The following PLEKHA5 variants were observed in gnomAD, a reference collection of about 807,000 sequenced individuals.
The protein encoded by PLEKHA5 is pleckstrin homology domain containing A5.
Under a neutral mutation model 181.9 loss-of-function variants are expected in PLEKHA5, and 55 were observed. That is an observed-to-expected ratio of 0.30 (90% CI 0.24 to 0.38). The LOEUF is 0.38. Ranked by LOEUF, PLEKHA5 falls within the 10% of genes least tolerant of loss-of-function variation. PLEKHA5 has a pLI of 1.00. For synonymous variants in PLEKHA5, 535 were observed against 529.4 expected, an observed-to-expected ratio of 1.01 and a Z score of -0.15; for missense variants, 1,432 against 1,549.5, an observed-to-expected ratio of 0.92 and a Z score of 1.27.
chr12:19,224,355 G>T (rs980253259), intron 3 of PLEKHA5, among the ~76,000 whole-genome samples: 1 of 152,086 alleles, frequency 6.6e-6, no homozygotes, highest in Non-Finnish European at 1.5e-5. Flanking sequence ...TTGGAAGTCT[G>T]GTTTAATTGA....
At chr12:19,167,387 C>T (rs369967673) in intron 3 of PLEKHA5, among the ~76,000 whole-genome samples, 6 of 141,196 alleles carry the variant, frequency 4.2e-5, no homozygotes, top group Non-Finnish European at 9.1e-5. Flanking sequence ...CAACACTCTG[C>T]AAGTCTTCTG....
intron 5 of PLEKHA5, among the ~76,000 whole-genome samples, chr12:19,256,908 A>G (rs958043756): frequency 1.3e-5 from 2 of 152,200 alleles, no homozygotes; most frequent in Non-Finnish European, 2.9e-5. Flanking sequence ...CATAAAAAAG[A>G]AAACACTACA....
intron 3 of PLEKHA5, among the ~76,000 whole-genome samples, chr12:19,167,982 A>T (rs1295602365): frequency 6.6e-6 from 1 of 152,158 alleles, no homozygotes; most frequent in Non-Finnish European, 1.5e-5. Flanking sequence ...AGCCTGCATT[A>T]CTGTTCTAGT....
chr12:19,225,494 T>C (rs2059569459), intron 3 of PLEKHA5, among the ~76,000 whole-genome samples: 1 of 152,200 alleles, frequency 6.6e-6, no homozygotes, highest in South Asian at 2.1e-4. Context: ...TTCTTGCTTA[T>C]TATTTTCCCT....
chr12:19,292,397 G>A (rs1330215830), intron 15 of PLEKHA5, among the ~76,000 whole-genome samples: 1 of 152,176 alleles, frequency 6.6e-6, no homozygotes. Flanking sequence ...TACAGCGCAA[G>A]ACTCTGTCTT....
At chr12:19,309,097 T>C (rs186201382) in intron 15 of PLEKHA5, among the ~76,000 whole-genome samples, 97 of 152,120 alleles carry the variant, frequency 6.4e-4, no homozygotes, top group African/African-American at 2.0e-3. Flanking sequence ...AAATAGATAA[T>C]TTTTTAAGCC....
At chr12:19,131,314 A>G (rs1161171654) in intron 2 of PLEKHA5, among the ~76,000 whole-genome samples, 3 of 152,204 alleles carry the variant, frequency 2.0e-5, no homozygotes, top group Admixed American at 6.5e-5. Context: ...TGAAGTGACT[A>G]ATGTCTCCAA....
chr12:19,305,921 A>T (rs2152949158), intron 15 of PLEKHA5, among the ~76,000 whole-genome samples: 1 of 151,358 alleles, frequency 6.6e-6, no homozygotes, highest in Non-Finnish European at 1.5e-5. Context: ...TCTACTAAAA[A>T]TACAAAAAAT....
At chr12:19,199,410 G>A (rs1331457304) in intron 3 of PLEKHA5, among the ~76,000 whole-genome samples, 1 of 152,138 alleles carries the variant, frequency 6.6e-6, no homozygotes, top group African/African-American at 2.4e-5. Flanking sequence ...ACTGAGGAGT[G>A]TCACTGGTTT....
intron 11 of PLEKHA5, among the ~76,000 whole-genome samples, chr12:19,276,102 A>C (rs1421266087): frequency 6.6e-6 from 1 of 152,218 alleles, no homozygotes; most frequent in Admixed American, 6.5e-5. Flanking sequence ...AATAACATGC[A>C]TATTATGGCT....
intron 15 of PLEKHA5, among the ~76,000 whole-genome samples, chr12:19,297,754 T>A (rs1565582515): frequency 7.9e-5 from 2 of 25,422 alleles, no homozygotes; most frequent in Admixed American, 4.4e-4. Flanking sequence ...TAAATTATTA[T>A]TTTTTTTTTT....
intron 3 of PLEKHA5, among the ~76,000 whole-genome samples, chr12:19,158,235 C>T (rs2042212397): frequency 1.3e-5 from 2 of 152,082 alleles, no homozygotes; most frequent in African/African-American, 4.8e-5. Flanking sequence ...TGCCTGTGGT[C>T]CCAGCTACTC....
intron 3 of PLEKHA5, chr12:19,201,244 A>C (rs1285282705): frequency 6.6e-6 from 1 of 152,116 alleles, no homozygotes; most frequent in Non-Finnish European, 1.5e-5. Context: ...GAGCACATGA[A>C]AAGATGTTCA....
At chr12:19,284,595 A>G (rs16915323) in intron 12 of PLEKHA5, among the ~76,000 whole-genome samples, 15,720 of 152,220 alleles carry the variant, frequency 0.1, 850 homozygotes, top group African/African-American at 0.15. Flanking sequence ...AATGGAGATC[A>G]TGTTTTACTT....
chr12:19,175,194 C>G (rs1473963008), intron 3 of PLEKHA5, among the ~76,000 whole-genome samples: 1 of 152,130 alleles, frequency 6.6e-6, no homozygotes, highest in African/African-American at 2.4e-5. Flanking sequence ...TACTACTGAT[C>G]GAGTGTAAAC....
chr12:19,225,211 G>A (rs1390657549), intron 3 of PLEKHA5, among the ~76,000 whole-genome samples: 1 of 151,930 alleles, frequency 6.6e-6, no homozygotes, highest in Non-Finnish European at 1.5e-5. Context: ...AATATTTCAC[G>A]GCCACAAAAC....
chr12:19,266,232 C>G (rs116997408), intron 8 of PLEKHA5, among the ~76,000 whole-genome samples: 1 of 151,208 alleles, frequency 6.6e-6, no homozygotes, highest in African/African-American at 2.4e-5. Context: ...CCAGCACTTC[C>G]GGAGACCAAG....
rs373662577 is a variant in PLEKHA5, at chr12:19,273,924, C to G, written c.846-592C>G. Among the ~76,000 whole-genome samples, 12 of 152,342 alleles carry G rather than the reference C, an allele frequency of 7.9e-5. No individual in the cohort carries two copies. In the East Asian group the frequency reaches 2.1e-3, roughly 27 times the overall value. ...GCATAGGCACTTTAAGTGTTCTGTACTTTGCCTGAAGACTCAGCTAGTAAG... is the reference window on the plus strand; with the variant it reads ...GCATAGGCACTTTAAGTGTTCTGTAGTTTGCCTGAAGACTCAGCTAGTAAG... On this transcript the variant is annotated intron_variant, in intron 10 of 31. Coordinates refer to ENST00000429027, the MANE Select transcript of PLEKHA5 (RefSeq NM_001256470.2).
At chr12:19,283,775 CACTACCTT>C in intron 12 of PLEKHA5, 30 bp downstream of exon 12, 1 of 1,363,168 alleles carries the variant, frequency 7.3e-7, no homozygotes, top group Non-Finnish European at 1.0e-6. Context: ...TGTGTTAACT[CACTACCTT>C]ATAAATGCTG....
Sources: gnomAD v4.1 joint callset for allele counts (sites outside exome capture counted in the v4.1 genomes callset) on GRCh38, gnomAD v4.1.1 for gene constraint, MANE v1.5 for transcripts, NCBI Gene and HGNC (gene_info 2026-07-23, HGNC 2026-07-21) for gene names.